The following NBEA variants were observed in gnomAD, a reference collection of about 807,000 sequenced individuals.
NBEA encodes lysosomal-trafficking regulator 2.
NBEA carries 44 observed loss-of-function variants against 343.4 expected under a neutral mutation model. The observed-to-expected ratio is 0.13, with a 90% confidence interval of 0.10 to 0.16. The LOEUF is 0.16. Among genes scored for constraint, NBEA ranks in the 10% least tolerant of loss-of-function variants. NBEA has a pLI of 1.00. For missense variants in NBEA, 2,555 were observed against 3,631.3 expected, an observed-to-expected ratio of 0.70 and a Z score of 7.62; for synonymous variants, 1,175 against 1,238.7, an observed-to-expected ratio of 0.95 and a Z score of 1.08.
chr13:35,423,574 C>T (rs1409613885), intron 38 of NBEA, among the ~76,000 whole-genome samples: 1 of 152,092 alleles, frequency 6.6e-6, no homozygotes, highest in Non-Finnish European at 1.5e-5. Context: ...AGTTTGAAGT[C>T]AGGTAGCGTG....
intron 45 of NBEA, among the ~76,000 whole-genome samples, chr13:35,570,533 G>C (rs1353941922): frequency 6.6e-6 from 1 of 152,230 alleles, no homozygotes; most frequent in Non-Finnish European, 1.5e-5. Flanking sequence ...GCTGTGAACA[G>C]TTGAATCCAT....
At chr13:35,552,162 G>A (rs575123653) in intron 43 of NBEA, among the ~76,000 whole-genome samples, 70 of 152,298 alleles carry the variant, frequency 4.6e-4, no homozygotes, top group African/African-American at 1.6e-3. Context: ...CTGTATGGAT[G>A]GAAAGGAAAA....
chr13:35,494,802 G>A (rs892581718), intron 41 of NBEA, among the ~76,000 whole-genome samples: 1 of 151,870 alleles, frequency 6.6e-6, no homozygotes, highest in African/African-American at 2.4e-5. Flanking sequence ...TTGAGCACAG[G>A]AGTTTGAGAC....
At chr13:35,062,274 G>A (rs1261527496) in intron 8 of NBEA, among the ~76,000 whole-genome samples, 1 of 151,722 alleles carries the variant, frequency 6.6e-6, no homozygotes, top group Non-Finnish European at 1.5e-5. Context: ...GAATTAATAT[G>A]ATAGAGAAGT....
At position 35,645,850 on chromosome 13, in the gene NBEA, C is replaced by CT. The variant is rs755856818; in HGVS notation, c.7618-11dup. 5.8e-5 allele frequency: 87 copies of CT among 1,500,580 alleles called. No individual in the cohort carries two copies. Among genetic ancestry groups the CT allele is most frequent in the Admixed American group, 9.7e-5 (5 of 51,522 alleles). 93.0% of individuals were successfully genotyped at this position (1,500,580 alleles called of 1,614,324 possible). A position where few individuals can be genotyped will look rare whatever the true frequency, so the allele number is the denominator to read the frequency against. ...TAATTGGTAGACTTCATGTCTCATT[C>CT]TTTTTTTTCCCCATTAAGATTCCAG... On this transcript the variant is annotated intron_variant, in intron 49 of 58. Coordinates refer to ENST00000379939, the MANE Select transcript of NBEA (RefSeq NM_001385012.1).
intron 46 of NBEA, 70 bp from the exon 47 acceptor site, chr13:35,593,258 A>G (rs1470431214): frequency 1.3e-6 from 2 of 1,538,112 alleles, no homozygotes; most frequent in Non-Finnish European, 1.8e-6. Context: ...CAAGATAGCC[A>G]TGTTTCACAA....
chr13:34,981,850 A>G lies in NBEA; in HGVS notation c.294+38736A>G, dbSNP rs183774455. 1.7e-3 allele frequency among the ~76,000 whole-genome samples: 258 copies of G among 151,928 alleles called. 1 individual carries two copies. The highest frequency in any genetic ancestry group is 4.7e-3 in the Admixed American group (72 of 15,242). On this transcript the variant is annotated intron_variant, in intron 1 of 58. Coordinates refer to ENST00000379939, the MANE Select transcript of NBEA (RefSeq NM_001385012.1). Reference sequence around the variant, plus strand: ...TTATTTGTGTCATCTAAGTAGTTGAATTTGTTAGCACACTGTTCATAAACA... The same window carrying G: ...TTATTTGTGTCATCTAAGTAGTTGAGTTTGTTAGCACACTGTTCATAAACA...
rs2045280046 is a variant in NBEA at position 35,434,065 on chromosome 13, C to G, written c.6304+1672C>G. ...TTCATATTATATTACATTCCACAAT[C>G]TACAGATTACTTTTAAGCAAGGCTT... is the stretch of plus-strand genomic sequence containing the variant. On this transcript the variant is annotated intron_variant, in intron 39 of 58. Transcript: ENST00000379939. 2.6e-5 allele frequency among the ~76,000 whole-genome samples: 4 copies of G among 152,044 alleles called. No homozygotes were observed. The South Asian group carries it at 8.3e-4, about 31-fold the overall frequency.
intron 38 of NBEA, among the ~76,000 whole-genome samples, chr13:35,386,277 C>T (rs1205134620): frequency 6.6e-6 from 1 of 152,080 alleles, no homozygotes; most frequent in East Asian, 1.9e-4. Context: ...ACTTTAAACT[C>T]TCCAGTACAT....
intron 11 of NBEA, among the ~76,000 whole-genome samples, chr13:35,106,140 G>A (rs531298544): frequency 1.3e-5 from 2 of 152,000 alleles, no homozygotes; most frequent in Non-Finnish European, 1.5e-5. Context: ...GCCACCACAT[G>A]AAAGTAATAT....
At chr13:35,180,309 C>T (rs1449386739) in intron 28 of NBEA, among the ~76,000 whole-genome samples, 4 of 151,700 alleles carry the variant, frequency 2.6e-5, no homozygotes, top group Non-Finnish European at 5.9e-5. Context: ...TAAAGATTTA[C>T]ATTTTATTCC....
rs546592587 is a variant in NBEA, at chr13:35,196,080, A to G, written c.5144A>G (p.Gln1715Arg). ...TTGTCATCCGAAGTGAAGAAATCAC[A>G]AGAGAGCTTAACTGAAAATCCTAGT... ...STLSSEVKKS[Q>R]ESLTENPSET... Residue 1715 changes from glutamine (Q) to arginine (R), a missense_variant, in exon 31 of 59, where the codon CAA (glutamine) becomes CGA (arginine). Coordinates refer to ENST00000379939, the MANE Select transcript of NBEA (RefSeq NM_001385012.1). 4.3e-6 allele frequency: 7 copies of G among 1,613,684 alleles called. No homozygotes were observed. The African/African-American group carries it at 6.7e-5, about 15-fold the overall frequency.
chr13:35,645,980 C>G, intron 50 of NBEA, 49 bp downstream of exon 50: 1 of 1,192,540 alleles, frequency 8.4e-7, no homozygotes, highest in Non-Finnish European at 1.2e-6. Flanking sequence ...TCTTTAGCTG[C>G]ATGCATGTAT....
At chr13:35,337,761 G>C (rs961766836) in intron 36 of NBEA, among the ~76,000 whole-genome samples, 1 of 152,036 alleles carries the variant, frequency 6.6e-6, no homozygotes, top group African/African-American at 2.4e-5. Context: ...AAGGTTGAAA[G>C]CATGCATTTT....
chr13:35,331,780 A>G (rs1395338552), intron 36 of NBEA, among the ~76,000 whole-genome samples: 1 of 152,044 alleles, frequency 6.6e-6, no homozygotes, highest in East Asian at 1.9e-4. Context: ...TTAAACAGAA[A>G]AGAATAGGAC....
intron 17 of NBEA, among the ~76,000 whole-genome samples, chr13:35,139,699 T>C (rs912857851): frequency 2.0e-5 from 3 of 149,462 alleles, no homozygotes; most frequent in Non-Finnish European, 4.4e-5. Flanking sequence ...AATCATGTGA[T>C]GTACAGGGCC....
chr13:35,354,187 A>G (rs1288179457), intron 38 of NBEA, among the ~76,000 whole-genome samples: 1 of 152,214 alleles, frequency 6.6e-6, no homozygotes, highest in African/African-American at 2.4e-5. Flanking sequence ...CCAGGTTGAC[A>G]TAAAATTTAA....
chr13:35,530,223 T>A (rs1300251046), intron 41 of NBEA, among the ~76,000 whole-genome samples: 3 of 152,238 alleles, frequency 2.0e-5, no homozygotes, highest in African/African-American at 7.2e-5. Context: ...TTTCCAATCC[T>A]AATTTTTTTT....
At chr13:35,468,958 G>A (rs1398626829) in intron 40 of NBEA, among the ~76,000 whole-genome samples, 3 of 151,724 alleles carry the variant, frequency 2.0e-5, no homozygotes, top group African/African-American at 7.3e-5. Flanking sequence ...AATTAGCTGG[G>A]CACAGTGGTG....
Sources: gnomAD v4.1 joint callset for allele counts (sites outside exome capture counted in the v4.1 genomes callset) on GRCh38, gnomAD v4.1.1 for gene constraint, MANE v1.5 for transcripts, NCBI Gene and HGNC (gene_info 2026-07-23, HGNC 2026-07-21) for gene names.